The following PGAP3 variants were observed in gnomAD, a reference collection of about 807,000 sequenced individuals.
PGAP3 encodes GPI-specific phospholipase A2-like PGAP3.
Under a neutral mutation model 40.3 loss-of-function variants are expected in PGAP3, and 31 were observed. The ratio of observed to expected loss-of-function variants is 0.77; its 90% CI spans 0.58 to 1.04. PGAP3 has a LOEUF of 1.04. Among genes scored for constraint, PGAP3 ranks in the 50% least tolerant of loss-of-function variants. PGAP3 has a pLI of 0.00. For synonymous variants in PGAP3, 191 were observed against 184.5 expected, an observed-to-expected ratio of 1.04 and a Z score of -0.29; for missense variants, 413 against 423.0, an observed-to-expected ratio of 0.98 and a Z score of 0.21.
intron 3 of PGAP3, among the ~76,000 whole-genome samples, chr17:39,680,121 C>T (rs1311607085): frequency 6.6e-6 from 1 of 152,194 alleles, no homozygotes; most frequent in African/African-American, 2.4e-5. Flanking sequence ...AAGTGCTAAA[C>T]CCTGTCTCCA....
intron 2 of PGAP3, 126 bp from the exon 3 acceptor site, chr17:39,684,875 A>G: frequency 9.1e-6 from 11 of 1,211,404 alleles, no homozygotes; most frequent in Non-Finnish European, 1.1e-5. Flanking sequence ...GTTTGGCCAA[A>G]GCCTCAGGTT....
In PGAP3 at chr17:39,685,938, G is replaced by A; in HGVS notation, c.263C>T (p.Pro88Leu). The change falls in exon 2 of 8, where the codon CCT becomes CTT. Residue 88 changes from proline to leucine, a missense_variant. Coordinates refer to ENST00000300658, the MANE Select transcript of PGAP3 (RefSeq NM_033419.5). ...CCAACTCACCTTGCCATGGAACTGA[G>A]GCACTTTGTGACCTTCCTGGAGGTA... The part of the protein sequence containing the change: ...GLYLQEGHKV[P>L]QFHGKWPFSR... 6.2e-7 allele frequency: 1 copy of A among 1,613,256 alleles called. No individual in the cohort carries two copies. Among genetic ancestry groups the A allele is most frequent in the Non-Finnish European group, 8.5e-7 (1 of 1,179,416 alleles).
At chr17:39,673,402 C>T (rs2057335086) in intron 6 of PGAP3, 112 bp downstream of exon 6, 2 of 1,563,632 alleles carry the variant, frequency 1.3e-6, no homozygotes, top group Non-Finnish European at 1.7e-6. Context: ...CTTCTCCATT[C>T]CTCTACCCCA....
chr17:39,685,657 A>C (rs2057501829), intron 2 of PGAP3, among the ~76,000 whole-genome samples: 1 of 152,148 alleles, frequency 6.6e-6, no homozygotes, highest in Non-Finnish European at 1.5e-5. Context: ...TAAGGTGGGC[A>C]TCTCAACCAC....
At chr17:39,687,706 G>C in intron 1 of PGAP3, 128 bp downstream of exon 1, 1 of 656,996 alleles carries the variant, frequency 1.5e-6, no homozygotes, top group Non-Finnish European at 2.2e-6. Flanking sequence ...ATCACCTTAG[G>C]GGCTTCACTC....
At chr17:39,686,105 C>T (rs1293670693) in intron 1 of PGAP3, 86 bp from the exon 2 acceptor site, 3 of 1,143,884 alleles carry the variant, frequency 2.6e-6, no homozygotes, top group Non-Finnish European at 3.8e-6. Flanking sequence ...CAAATGTAGG[C>T]CAAGAGGGCC....
Position 39,673,094 on chromosome 17 carries a change from T to C in PGAP3, c.856A>G (p.Ile286Val), listed in dbSNP as rs760923040. 44 of 1,609,388 alleles carry C rather than the reference T, an allele frequency of 2.7e-5. No individual in the cohort carries two copies. The highest frequency in any genetic ancestry group is 3.5e-5 in the Non-Finnish European group (41 of 1,178,306). ...ACAGGGATGGTGCTGATGTGCCAGA[T>C]GGCATGGGCATCCAGGACCCAGAAG... is the stretch of plus-strand genomic sequence containing the variant. ...PLFWVLDAHA[I>V]WHISTIPVHV... Residue 286 changes from isoleucine (I) to valine (V), a missense_variant, in exon 7 of 8, where the codon ATC becomes GTC. Transcript: ENST00000300658.
intron 3 of PGAP3, among the ~76,000 whole-genome samples, chr17:39,675,548 G>T (rs539758501): frequency 1.3e-5 from 2 of 152,310 alleles, no homozygotes; most frequent in South Asian, 4.1e-4. Flanking sequence ...TGGCCTGGAG[G>T]TGGGGAGGGA....
At chr17:39,682,016 C>T (rs923665589) in intron 3 of PGAP3, among the ~76,000 whole-genome samples, 3 of 151,044 alleles carry the variant, frequency 2.0e-5, no homozygotes, top group African/African-American at 4.9e-5. Context: ...ATCAGGAGAT[C>T]GAGACTATCC....
chr17:39,685,260 A>G (rs1400147236), intron 2 of PGAP3, among the ~76,000 whole-genome samples: 1 of 151,608 alleles, frequency 6.6e-6, no homozygotes, highest in East Asian at 1.9e-4. Context: ...AGAGGGTCAC[A>G]AGGTCAGGAG....
At position 39,672,756 on chromosome 17, in the gene PGAP3, C is replaced by T. The variant is rs1423369195; in HGVS notation, c.*47G>A. 1 of 1,564,916 alleles carries T rather than the reference C, an allele frequency of 6.4e-7. No individual in the cohort carries two copies. Among genetic ancestry groups the T allele is most frequent in the Non-Finnish European group, 8.8e-7 (1 of 1,136,008 alleles). On this transcript the variant is annotated 3_prime_UTR_variant, in exon 8 of 8. Transcript: ENST00000300658. Reference sequence around the variant, plus strand: ...GGGTTGAGGGGAGAAGGGAGGCCAGCAGGGCGGGGGCAGGATCCCCACTGG... The same window carrying T: ...GGGTTGAGGGGAGAAGGGAGGCCAGTAGGGCGGGGGCAGGATCCCCACTGG...
At chr17:39,674,723 C>T in intron 3 of PGAP3, 44 bp from the exon 4 acceptor site, 1 of 1,516,428 alleles carries the variant, frequency 6.6e-7, no homozygotes, top group Non-Finnish European at 8.9e-7. Flanking sequence ...CCCACCCTGA[C>T]CTCAAGGCAG....
intron 3 of PGAP3, among the ~76,000 whole-genome samples, chr17:39,682,307 G>C (rs2057452459): frequency 7.1e-6 from 1 of 140,100 alleles, no homozygotes; most frequent in African/African-American, 2.7e-5. Flanking sequence ...CTGTTTCCTG[G>C]TTCCCACCTT....
At chr17:39,676,237 G>A (rs891082517) in intron 3 of PGAP3, among the ~76,000 whole-genome samples, 1 of 152,176 alleles carries the variant, frequency 6.6e-6, no homozygotes. Context: ...ACATGGACCA[G>A]TTCTCCCTGG....
intron 3 of PGAP3, among the ~76,000 whole-genome samples, chr17:39,675,995 A>T (rs1425854738): frequency 6.6e-6 from 1 of 152,084 alleles, no homozygotes; most frequent in Non-Finnish European, 1.5e-5. Flanking sequence ...GCCTGGCGTT[A>T]GGTGGTGTGG....
At chr17:39,684,471 G>C in intron 3 of PGAP3, 126 bp downstream of exon 3, 1 of 1,217,792 alleles carries the variant, frequency 8.2e-7, no homozygotes, top group Non-Finnish European at 1.1e-6. Context: ...CCCTGCAGCT[G>C]CAACTTTAGC....
At chr17:39,686,093 C>T (rs1425908841) in intron 1 of PGAP3, 74 bp from the exon 2 acceptor site, 14 of 1,358,662 alleles carry the variant, frequency 1.0e-5, no homozygotes, top group East Asian at 9.9e-5. Flanking sequence ...GGGGTCCAAG[C>T]GCAAATGTAG....
chr17:39,681,891 T>A (rs1313849581), intron 3 of PGAP3, among the ~76,000 whole-genome samples: 1 of 151,804 alleles, frequency 6.6e-6, no homozygotes, highest in Non-Finnish European at 1.5e-5. Flanking sequence ...TCTACCCAAG[T>A]AAGGAAGTCT....
chr17:39,684,065 A>T (rs113120593), intron 3 of PGAP3, among the ~76,000 whole-genome samples: 4,794 of 140,052 alleles, frequency 0.034, 108 homozygotes, highest in African/African-American at 0.065. Context: ...TGGAGGTTGC[A>T]GTGAGCCAAG....
Sources: allele counts gnomAD v4.1 joint callset (sites outside exome capture counted in the v4.1 genomes callset), GRCh38; gene constraint gnomAD v4.1.1; transcripts MANE v1.5; gene names NCBI Gene and HGNC (gene_info 2026-07-23, HGNC 2026-07-21).